The following GRID1 variants were observed in gnomAD, a reference collection of about 807,000 sequenced individuals.
GRID1 encodes the protein glutamate receptor ionotropic, delta-1.
GRID1 carries 28 observed loss-of-function variants against 98.0 expected under a neutral mutation model. The ratio of observed to expected loss-of-function variants is 0.29; its 90% CI spans 0.21 to 0.39. The LOEUF is 0.39. GRID1 is among the 10% of genes least tolerant of loss of function. GRID1 has a pLI of 1.00. For synonymous variants in GRID1, 553 were observed against 538.5 expected, an observed-to-expected ratio of 1.03 and a Z score of -0.37; for missense variants, 1,111 against 1,340.5, an observed-to-expected ratio of 0.83 and a Z score of 2.67.
chr10:85,935,083 C>T (rs1337924558), intron 4 of GRID1, among the ~76,000 whole-genome samples: 6 of 152,194 alleles, frequency 3.9e-5, no homozygotes, highest in Admixed American at 1.3e-4. Flanking sequence ...TGACGGGTCC[C>T]GGCTAACAGC....
At chr10:85,678,585 T>C (rs576167562) in intron 12 of GRID1, among the ~76,000 whole-genome samples, 1 of 152,290 alleles carries the variant, frequency 6.6e-6, no homozygotes, top group East Asian at 1.9e-4. Flanking sequence ...TCTTCTCTAC[T>C]TGAGTCTCAA....
intron 4 of GRID1, among the ~76,000 whole-genome samples, chr10:85,943,465 A>G (rs1842019405): frequency 2.0e-5 from 3 of 152,258 alleles, no homozygotes; most frequent in Admixed American, 2.0e-4. Context: ...AAGCCAGATC[A>G]TCTTTAATAT....
chr10:85,706,509 T>C (rs559331670), intron 12 of GRID1, among the ~76,000 whole-genome samples: 19 of 152,268 alleles, frequency 1.2e-4, no homozygotes, highest in South Asian at 2.1e-4. Context: ...GTAGGAAGAA[T>C]CAATATCGTG....
intron 12 of GRID1, among the ~76,000 whole-genome samples, chr10:85,678,872 T>C (rs913794932): frequency 2.0e-5 from 3 of 152,094 alleles, no homozygotes; most frequent in South Asian, 2.1e-4. Context: ...GTAATTTAAA[T>C]TGCACCCTGA....
At chr10:85,745,630 C>A (rs1260294052) in intron 8 of GRID1, among the ~76,000 whole-genome samples, 2 of 135,134 alleles carry the variant, frequency 1.5e-5, no homozygotes, top group South Asian at 2.6e-4. Context: ...CTAGATGACA[C>A]GTTAGTGGGT....
chr10:86,156,319 C>A (rs1282023656), intron 3 of GRID1, among the ~76,000 whole-genome samples: 1 of 152,228 alleles, frequency 6.6e-6, no homozygotes, highest in Non-Finnish European at 1.5e-5. Flanking sequence ...GCACCCTGTG[C>A]CCCAGGCACT....
At chr10:86,339,299 TGA>T (rs1848275839) in intron 2 of GRID1, among the ~76,000 whole-genome samples, 1 of 151,334 alleles carries the variant, frequency 6.6e-6, no homozygotes, top group Non-Finnish European at 1.5e-5. Context: ...AGGTATGGGG[TGA>T]GAGAAGCCAC....
rs1389267265 is a variant in GRID1 at position 85,974,138 on chromosome 10, GC to G, written c.727-57900del. 2.0e-5 allele frequency among the ~76,000 whole-genome samples: 3 copies of G among 152,166 alleles called. No individual in the cohort carries two copies. The East Asian group carries it at 5.8e-4, about 29-fold the overall frequency. On this transcript the variant is annotated intron_variant, in intron 4 of 15. Coordinates refer to ENST00000327946, the MANE Select transcript of GRID1 (RefSeq NM_017551.3). ...GAAAGTCTATGCTCAGAACTTGCATGCTCACTTTTGCCAGCATGCCATTGGC... is the reference window on the plus strand; with the variant it reads ...GAAAGTCTATGCTCAGAACTTGCATGTCACTTTTGCCAGCATGCCATTGGC...
intron 2 of GRID1, among the ~76,000 whole-genome samples, chr10:86,306,106 A>G (rs1213846806): frequency 6.6e-6 from 1 of 152,226 alleles, no homozygotes; most frequent in African/African-American, 2.4e-5. Context: ...AGAGAGGAGG[A>G]AAAGCCTTCA....
At chr10:85,972,181 T>C (rs1842416556) in intron 4 of GRID1, among the ~76,000 whole-genome samples, 1 of 151,324 alleles carries the variant, frequency 6.6e-6, no homozygotes, top group Non-Finnish European at 1.5e-5. Context: ...AACTGACCCA[T>C]AATTTTGATG....
rs377292781 is a variant in GRID1, at chr10:86,341,988, G to T, written c.235+21953C>A. On this transcript the variant is annotated intron_variant, in intron 2 of 15. Transcript: ENST00000327946. ...TCTAGAAGTTCTATCGTGAGATGGG[G>T]AGCAAGTCCTGAGCTTGAGGTTCTC... Among the ~76,000 whole-genome samples the T allele has an allele frequency of 1.0e-3, 157 of 152,298 alleles. 1 individual carries two copies. In the South Asian group the frequency reaches 0.032, roughly 31 times the overall value.
At chr10:85,663,259 C>T (rs1840985718) in intron 12 of GRID1, among the ~76,000 whole-genome samples, 1 of 152,106 alleles carries the variant, frequency 6.6e-6, no homozygotes, top group Admixed American at 6.5e-5. Flanking sequence ...CCACGAGTGT[C>T]CTTATAAAAA....
At chr10:85,672,219 A>T (rs1221123209) in intron 12 of GRID1, among the ~76,000 whole-genome samples, 1 of 152,236 alleles carries the variant, frequency 6.6e-6, no homozygotes, top group Non-Finnish European at 1.5e-5. Context: ...CTTGTTAGAA[A>T]CTAGTGCAGC....
At chr10:85,757,628 T>A (rs1247582725) in intron 8 of GRID1, among the ~76,000 whole-genome samples, 2 of 152,212 alleles carry the variant, frequency 1.3e-5, no homozygotes, top group Non-Finnish European at 2.9e-5. Flanking sequence ...TGACAGAGCC[T>A]ACTGGGGGAC....
chr10:86,343,732 C>T (rs559651477), intron 2 of GRID1, among the ~76,000 whole-genome samples: 10 of 152,318 alleles, frequency 6.6e-5, no homozygotes, highest in African/African-American at 1.9e-4. Flanking sequence ...CCCACATCTC[C>T]CTAGTGAACC....
At chr10:86,198,693 C>G (rs1242010958) in intron 3 of GRID1, among the ~76,000 whole-genome samples, 1 of 152,216 alleles carries the variant, frequency 6.6e-6, no homozygotes, top group Non-Finnish European at 1.5e-5. Flanking sequence ...TGGGATTCAA[C>G]AAGAAGACTG....
At chr10:85,728,534 T>C (rs189251152) in intron 9 of GRID1, among the ~76,000 whole-genome samples, 3 of 152,322 alleles carry the variant, frequency 2.0e-5, no homozygotes, top group African/African-American at 7.2e-5. Context: ...TGGATATGGA[T>C]ATGGATTAAC....
At chr10:85,839,855 A>G (rs1842946261) in intron 8 of GRID1, among the ~76,000 whole-genome samples, 1 of 152,046 alleles carries the variant, frequency 6.6e-6, no homozygotes, top group South Asian at 2.1e-4. Flanking sequence ...AAATAGATAG[A>G]CTGCCAGTTA....
At chr10:86,100,198 T>C (rs995079514) in intron 4 of GRID1, among the ~76,000 whole-genome samples, 2 of 152,182 alleles carry the variant, frequency 1.3e-5, no homozygotes, top group African/African-American at 2.4e-5. Flanking sequence ...GTGCAAAGTA[T>C]TGTAATCACA....
Sources: allele counts gnomAD v4.1 joint callset (sites outside exome capture counted in the v4.1 genomes callset), GRCh38; gene constraint gnomAD v4.1.1; transcripts MANE v1.5; gene names NCBI Gene and HGNC (gene_info 2026-07-23, HGNC 2026-07-21).